ZBTB7C: variants seen among roughly 807,000 people sequenced by gnomAD.
ZBTB7C encodes the protein zinc finger and BTB domain containing 7C, also known as zinc finger and BTB domain-containing protein 7C.
In ZBTB7C, 8 loss-of-function variants were observed where a neutral mutation model predicts 25.7. The observed-to-expected ratio is 0.31, with a 90% confidence interval of 0.18 to 0.56. The LOEUF (loss-of-function observed/expected upper bound fraction) is 0.56. Ranked by LOEUF, ZBTB7C falls within the 20% of genes least tolerant of loss-of-function variation. The probability of loss-of-function intolerance (pLI) is 0.91; values close to 1 mark genes in which losing one functional copy is unlikely to be tolerated. For synonymous variants in ZBTB7C, 394 were observed against 369.0 expected, an observed-to-expected ratio of 1.07 and a Z score of -0.78; for missense variants, 824 against 855.2, an observed-to-expected ratio of 0.96 and a Z score of 0.46.
intron 1 of ZBTB7C, among the ~76,000 whole-genome samples, chr18:48,373,005 C>T (rs1410341251): frequency 6.6e-6 from 1 of 152,186 alleles, no homozygotes; most frequent in African/African-American, 2.4e-5. Flanking sequence ...CTTCACACTG[C>T]ATTGTGGCTT....
At chr18:48,039,858 C>G (rs2036137408) in intron 4 of ZBTB7C, 42 bp downstream of exon 4, 2 of 1,595,744 alleles carry the variant, frequency 1.3e-6, no homozygotes, top group Non-Finnish European at 1.7e-6. Context: ...TCCCCCATGG[C>G]CTCTGGCCCC....
At chr18:48,166,715 G>A (rs2041258268) in intron 3 of ZBTB7C, among the ~76,000 whole-genome samples, 1 of 152,222 alleles carries the variant, frequency 6.6e-6, no homozygotes, top group Non-Finnish European at 1.5e-5. Flanking sequence ...GCGTCCAGGG[G>A]CCTGGGCACT....
At chr18:48,384,070 G>A (rs965357592) in intron 1 of ZBTB7C, among the ~76,000 whole-genome samples, 1 of 152,222 alleles carries the variant, frequency 6.6e-6, no homozygotes, top group Non-Finnish European at 1.5e-5. Context: ...TGGAGCCAGT[G>A]GGAAGAAGTC....
At chr18:48,216,338 G>C (rs777242500) in intron 2 of ZBTB7C, among the ~76,000 whole-genome samples, 5 of 152,168 alleles carry the variant, frequency 3.3e-5, no homozygotes, top group Admixed American at 2.6e-4. Context: ...AGAAGCCTGA[G>C]GGGGTAGAAA....
chr18:48,249,175 T>A, intron 2 of ZBTB7C, among the ~76,000 whole-genome samples: 1 of 152,248 alleles, frequency 6.6e-6, no homozygotes, highest in Non-Finnish European at 1.5e-5. Context: ...GGCACTGTAT[T>A]AAATAATATT....
At chr18:48,243,431 A>G (rs2043588426) in intron 2 of ZBTB7C, among the ~76,000 whole-genome samples, 1 of 152,154 alleles carries the variant, frequency 6.6e-6, no homozygotes, top group Non-Finnish European at 1.5e-5. Context: ...AAAGCTGCAA[A>G]AAATAAAATA....
chr18:48,205,709 T>A (rs370646326), intron 2 of ZBTB7C, among the ~76,000 whole-genome samples: 22 of 151,962 alleles, frequency 1.4e-4, no homozygotes, highest in East Asian at 7.8e-4. Context: ...AAATAAAACA[T>A]CAAGTATTGG....
At chr18:48,278,434 C>CA (rs2044732502) in intron 2 of ZBTB7C, among the ~76,000 whole-genome samples, 1 of 150,460 alleles carries the variant, frequency 6.6e-6, no homozygotes, top group African/African-American at 2.4e-5. Flanking sequence ...TCCCCAAATT[C>CA]TTTTTTTTCT....
At chr18:48,280,821 G>A (rs2044819602) in intron 2 of ZBTB7C, among the ~76,000 whole-genome samples, 3 of 148,792 alleles carry the variant, frequency 2.0e-5, no homozygotes, top group South Asian at 4.3e-4. Context: ...TTAAGCACCA[G>A]CTTTCCTAGG....
chr18:48,349,738 C>T (rs2046821884), intron 1 of ZBTB7C, among the ~76,000 whole-genome samples: 1 of 152,078 alleles, frequency 6.6e-6, no homozygotes, highest in Non-Finnish European at 1.5e-5. Flanking sequence ...CCATTAGGGC[C>T]CAAGATGGCA....
intron 2 of ZBTB7C, among the ~76,000 whole-genome samples, chr18:48,259,913 G>A (rs540343765): frequency 4.3e-4 from 65 of 152,314 alleles, no homozygotes; most frequent in Non-Finnish European, 9.0e-4. Context: ...TCACTGATAG[G>A]AATGGAAAAT....
intron 3 of ZBTB7C, among the ~76,000 whole-genome samples, chr18:48,053,649 C>T (rs764870405): frequency 4.6e-5 from 7 of 152,098 alleles, no homozygotes; most frequent in African/African-American, 1.2e-4. Flanking sequence ...AGTCAGGTTC[C>T]GGGTTTCCTA....
chr18:48,234,472 T>C (rs1258374838), intron 2 of ZBTB7C, among the ~76,000 whole-genome samples: 1 of 152,206 alleles, frequency 6.6e-6, no homozygotes, highest in Non-Finnish European at 1.5e-5. Flanking sequence ...TGTTTAGTTT[T>C]CCAGAAATAC....
chr18:48,197,882 G>C (rs962685737), intron 2 of ZBTB7C, among the ~76,000 whole-genome samples: 2 of 152,156 alleles, frequency 1.3e-5, no homozygotes, highest in Non-Finnish European at 2.9e-5. Context: ...CACATTTCTA[G>C]ATTTCCTACT....
chr18:48,388,989 T>G (rs1290919180), intron 1 of ZBTB7C, among the ~76,000 whole-genome samples: 1 of 152,146 alleles, frequency 6.6e-6, no homozygotes, highest in African/African-American at 2.4e-5. Flanking sequence ...CAGGATTAAG[T>G]TGACCTCTCC....
At chr18:48,076,029 G>T (rs763043589) in intron 3 of ZBTB7C, among the ~76,000 whole-genome samples, 1 of 152,192 alleles carries the variant, frequency 6.6e-6, no homozygotes, top group Non-Finnish European at 1.5e-5. Context: ...CCTCCCCAGC[G>T]CCTGCTCAGG....
At chr18:48,092,585 G>A (rs974620809) in intron 3 of ZBTB7C, among the ~76,000 whole-genome samples, 5 of 152,126 alleles carry the variant, frequency 3.3e-5, no homozygotes, top group Admixed American at 1.3e-4. Flanking sequence ...ACTCAAATAC[G>A]CTTTGCATCT....
intron 3 of ZBTB7C, among the ~76,000 whole-genome samples, chr18:48,115,737 T>C (rs1353282745): frequency 2.0e-5 from 3 of 152,094 alleles, no homozygotes; most frequent in Non-Finnish European, 1.5e-5. Context: ...AGGAGTGAAA[T>C]ATACATAGGG....
chr18:48,141,142 CACCA>C (rs2040332924), intron 3 of ZBTB7C, among the ~76,000 whole-genome samples: 1 of 65,468 alleles, frequency 1.5e-5, no homozygotes. Context: ...ATCCCCCCCG[CACCA>C]CCCCCCCCAC....
Sources: gnomAD v4.1 joint callset for allele counts (sites outside exome capture counted in the v4.1 genomes callset) on GRCh38, gnomAD v4.1.1 for gene constraint, MANE v1.5 for transcripts, NCBI Gene and HGNC (gene_info 2026-07-23, HGNC 2026-07-21) for gene names.